The following CYSLTR2 variants were observed in gnomAD, a reference collection of about 807,000 sequenced individuals.
CYSLTR2 encodes the protein cysteinyl leukotriene receptor 2, also known as G-protein coupled receptor GPCR21.
For synonymous variants in CYSLTR2, 179 were observed against 160.8 expected (o/e 1.11, Z -0.86); for missense variants, 398 against 411.9 (o/e 0.97, Z 0.29).
In CYSLTR2 at chr13:48,706,982, A is replaced by T; in HGVS notation, c.165A>T (p.Gly55=). ...TAATATTTTTCTGGGGAGTCTTGGGAAATGGGTTGTCCATATATGTTTTCC... is the reference window on the plus strand; with the variant it reads ...TAATATTTTTCTGGGGAGTCTTGGGTAATGGGTTGTCCATATATGTTTTCC... The part of the protein sequence containing the change: ...YLIIFFWGVL[G]NGLSIYVFLQ... Residue 55 remains glycine (G), a synonymous_variant, in exon 5 of 5, where the codon GGA becomes GGT. Coordinates refer to ENST00000682523, the MANE Select transcript of CYSLTR2 (RefSeq NM_001308476.3). The T allele has an allele frequency of 6.2e-7, 1 of 1,614,206 alleles. No individual in the cohort carries two copies. Among genetic ancestry groups the T allele is most frequent in the Non-Finnish European group, 8.5e-7 (1 of 1,180,042 alleles).
chr13:48,675,212 A>C (rs900154146), intron 1 of CYSLTR2, among the ~76,000 whole-genome samples: 2 of 152,172 alleles, frequency 1.3e-5, no homozygotes, highest in East Asian at 3.9e-4. Flanking sequence ...GCAGGCAGGA[A>C]CGTTTAAGTC....
chr13:48,704,384 G>A (rs575767109), intron 4 of CYSLTR2, among the ~76,000 whole-genome samples: 1 of 152,184 alleles, frequency 6.6e-6, no homozygotes, highest in Admixed American at 6.5e-5. Flanking sequence ...AGCTGGGCAT[G>A]GTGGCATGCA....
At chr13:48,669,438 C>G (rs1953359068) in intron 1 of CYSLTR2, among the ~76,000 whole-genome samples, 1 of 152,096 alleles carries the variant, frequency 6.6e-6, no homozygotes, top group Non-Finnish European at 1.5e-5. Flanking sequence ...GCCTCCCACC[C>G]CCTGAAAGGC....
intron 1 of CYSLTR2, among the ~76,000 whole-genome samples, chr13:48,676,210 T>C (rs2138872528): frequency 6.6e-6 from 1 of 152,376 alleles, no homozygotes; most frequent in South Asian, 2.1e-4. Flanking sequence ...CCCAGGTCTC[T>C]GTGCTCTTTC....
chr13:48,706,895 C>T lies in CYSLTR2; in HGVS notation c.78C>T (p.Asn26=). The T allele has an allele frequency of 2.5e-6, 4 of 1,614,196 alleles. No individual in the cohort carries two copies. The highest frequency in any genetic ancestry group is 3.4e-6 in the Non-Finnish European group (4 of 1,180,026). Residue 26 remains asparagine (N), a synonymous_variant, in exon 5 of 5, where the codon AAC becomes AAT. Transcript: ENST00000682523. ...AACCAAATGGCACCTTCAGCAATAACAACAGCAGGAACTGCACAATTGAAA... is the reference window on the plus strand; with the variant it reads ...AACCAAATGGCACCTTCAGCAATAATAACAGCAGGAACTGCACAATTGAAA... ...EMEPNGTFSN[N]NSRNCTIENF...
chr13:48,702,652 CTGTT>C (rs1377455481), intron 4 of CYSLTR2, among the ~76,000 whole-genome samples: 2 of 152,044 alleles, frequency 1.3e-5, no homozygotes, highest in Admixed American at 6.5e-5. Context: ...GTTGATCTAT[CTGTT>C]TGTCCTTCAG....
intron 1 of CYSLTR2, among the ~76,000 whole-genome samples, chr13:48,670,681 C>T (rs1381383322): frequency 1.3e-5 from 2 of 152,108 alleles, no homozygotes; most frequent in Non-Finnish European, 2.9e-5. Context: ...GTTACTGTAG[C>T]CTTGTAGTAT....
chr13:48,692,659 T>C (rs533069676), intron 2 of CYSLTR2, among the ~76,000 whole-genome samples: 110 of 151,434 alleles, frequency 7.3e-4, no homozygotes, highest in African/African-American at 2.4e-3. Context: ...TATTTGTGTT[T>C]CTCTGTATTA....
At chr13:48,689,437 G>A (rs1953979065) in intron 1 of CYSLTR2, among the ~76,000 whole-genome samples, 1 of 152,146 alleles carries the variant, frequency 6.6e-6, no homozygotes, top group South Asian at 2.1e-4. Context: ...TGTTTAATGT[G>A]TAAGGAAGGA....
intron 1 of CYSLTR2, among the ~76,000 whole-genome samples, chr13:48,688,755 T>A (rs935271571): frequency 6.6e-6 from 1 of 152,230 alleles, no homozygotes; most frequent in African/African-American, 2.4e-5. Flanking sequence ...TGACTTATAA[T>A]CCTTTGGGTG....
intron 1 of CYSLTR2, among the ~76,000 whole-genome samples, chr13:48,683,840 T>C (rs1053410688): frequency 6.6e-6 from 1 of 152,224 alleles, no homozygotes; most frequent in Non-Finnish European, 1.5e-5. Flanking sequence ...CAGAATTCTG[T>C]TTTGTAAATT....
intron 1 of CYSLTR2, among the ~76,000 whole-genome samples, chr13:48,660,038 T>A (rs552103045): frequency 6.6e-6 from 1 of 152,296 alleles, no homozygotes; most frequent in South Asian, 2.1e-4. Flanking sequence ...GCTCTTCATA[T>A]ATGATGTTTT....
intron 3 of CYSLTR2, chr13:48,694,796 ATAGG>A (rs2138954991): frequency 6.6e-6 from 1 of 152,312 alleles, no homozygotes; most frequent in South Asian, 2.1e-4. Context: ...CAGAGACAGC[ATAGG>A]TAGGTTGTGG....
At chr13:48,654,542 AT>A (rs1459816872) in intron 1 of CYSLTR2, among the ~76,000 whole-genome samples, 6 of 152,044 alleles carry the variant, frequency 3.9e-5, no homozygotes, top group Non-Finnish European at 8.8e-5. Flanking sequence ...TCCTTCTATT[AT>A]ATAAGATATA....
intron 1 of CYSLTR2, among the ~76,000 whole-genome samples, chr13:48,690,923 A>C (rs1169592804): frequency 6.6e-6 from 1 of 152,076 alleles, no homozygotes. Flanking sequence ...TTACTGCCTC[A>C]ATTTAAGAAC....
chr13:48,692,752 T>C (rs1280540756), intron 2 of CYSLTR2, among the ~76,000 whole-genome samples: 1 of 151,258 alleles, frequency 6.6e-6, no homozygotes, highest in African/African-American at 2.4e-5. Context: ...AGAGAAAACA[T>C]GATTTACTTA....
At chr13:48,678,008 A>G (rs191285415) in intron 1 of CYSLTR2, among the ~76,000 whole-genome samples, 203 of 151,768 alleles carry the variant, frequency 1.3e-3, no homozygotes, top group Non-Finnish European at 2.2e-3. Context: ...AGTATCTGGG[A>G]TTACAGGCAA....
intron 1 of CYSLTR2, among the ~76,000 whole-genome samples, chr13:48,682,758 A>C (rs370258264): frequency 6.6e-6 from 1 of 152,162 alleles, no homozygotes; most frequent in Non-Finnish European, 1.5e-5. Flanking sequence ...TCAGGGGTAC[A>C]TGTGCAGGTT....
At chr13:48,705,488 G>A (rs375658832) in intron 4 of CYSLTR2, among the ~76,000 whole-genome samples, 1 of 150,650 alleles carries the variant, frequency 6.6e-6, no homozygotes, top group African/African-American at 2.4e-5. Context: ...TTCCTGCCTT[G>A]TTGTTGGTTA....
Sources: allele counts gnomAD v4.1 joint callset (sites outside exome capture counted in the v4.1 genomes callset), GRCh38; gene constraint gnomAD v4.1.1; transcripts MANE v1.5; gene names NCBI Gene and HGNC (gene_info 2026-07-23, HGNC 2026-07-21).